UBE2H: variants seen among roughly 807,000 people sequenced by gnomAD.
The protein encoded by UBE2H is ubiquitin conjugating enzyme E2 H.
In UBE2H, 3 loss-of-function variants were observed where a neutral mutation model predicts 29.0. That is an observed-to-expected ratio of 0.10 (90% CI 0.05 to 0.27). UBE2H has a LOEUF of 0.27. Ranked by LOEUF, UBE2H falls within the 10% of genes least tolerant of loss-of-function variation. The pLI is 1.00. For missense variants in UBE2H, 68 were observed against 228.2 expected (o/e 0.30, Z 4.52); for synonymous variants, 69 against 82.9 (o/e 0.83, Z 0.91).
At chr7:129,927,828 C>T (rs74406975) in intron 1 of UBE2H, among the ~76,000 whole-genome samples, 9,625 of 151,982 alleles carry the variant, frequency 0.063, 367 homozygotes, top group Non-Finnish European at 0.091. Context: ...AGCCAGAGAT[C>T]GGTTAACAAA....
At chr7:129,887,936 G>A (rs113010792) in intron 1 of UBE2H, among the ~76,000 whole-genome samples, 1 of 152,072 alleles carries the variant, frequency 6.6e-6, no homozygotes, top group Non-Finnish European at 1.5e-5. Context: ...ACTTTACATT[G>A]AAAGAGAAGC....
intron 1 of UBE2H, among the ~76,000 whole-genome samples, chr7:129,885,048 G>C (rs1011530072): frequency 6.0e-5 from 9 of 150,022 alleles, no homozygotes; most frequent in African/African-American, 2.2e-4. Flanking sequence ...GCCTGAGAGA[G>C]AGAGAACTTC....
At chr7:129,898,650 T>G (rs1806646578) in intron 1 of UBE2H, among the ~76,000 whole-genome samples, 1 of 152,196 alleles carries the variant, frequency 6.6e-6, no homozygotes, top group Non-Finnish European at 1.5e-5. Flanking sequence ...CTCTCGTGTT[T>G]GCACCACGGA....
chr7:129,833,160 CTT>C lies in UBE2H; in HGVS notation c.*1775_*1776del, dbSNP rs1245719152. On this transcript the variant is annotated 3_prime_UTR_variant, in exon 7 of 7. Transcript: ENST00000355621. ...GTAATTAACATAAAGTAAGTAAATT[CTT>C]TGTCTTTTTATTTAGGAAAATAATC... is the stretch of plus-strand genomic sequence containing the variant. 6.6e-6 allele frequency: 1 copy of C among 151,272 alleles called. No homozygotes were observed. Among genetic ancestry groups the C allele is most frequent in the African/African-American group, 2.4e-5 (1 of 40,962 alleles). 9.4% of individuals were successfully genotyped at this position (151,272 alleles called of 1,614,324 possible). A position where few individuals can be genotyped will look rare whatever the true frequency, so the allele number is the denominator to read the frequency against.
At chr7:129,855,465 C>G (rs1005073223) in intron 5 of UBE2H, among the ~76,000 whole-genome samples, 5 of 152,296 alleles carry the variant, frequency 3.3e-5, no homozygotes, top group Middle Eastern at 3.4e-3. Flanking sequence ...TAATCAAGCT[C>G]GGAGTGTATG....
intron 3 of UBE2H, among the ~76,000 whole-genome samples, chr7:129,873,105 G>T (rs1021182764): frequency 1.4e-5 from 2 of 147,922 alleles, no homozygotes; most frequent in Non-Finnish European, 3.0e-5. Flanking sequence ...TGCAAGCTCC[G>T]CCTCCCGGGT....
intron 3 of UBE2H, among the ~76,000 whole-genome samples, chr7:129,867,878 C>T (rs964699864): frequency 4.0e-5 from 6 of 151,672 alleles, no homozygotes; most frequent in Non-Finnish European, 5.9e-5. Flanking sequence ...GCAACTAGTG[C>T]GTAGTCATAC....
At chr7:129,902,280 C>T (rs558090634) in intron 1 of UBE2H, among the ~76,000 whole-genome samples, 1 of 152,296 alleles carries the variant, frequency 6.6e-6, no homozygotes, top group South Asian at 2.1e-4. Context: ...GGATGGATCA[C>T]CTGAGGTCAG....
At chr7:129,913,678 T>A (rs1806986712) in intron 1 of UBE2H, among the ~76,000 whole-genome samples, 1 of 152,102 alleles carries the variant, frequency 6.6e-6, no homozygotes, top group Non-Finnish European at 1.5e-5. Context: ...GTGGCATGCA[T>A]CTGTAGTCCC....
intron 5 of UBE2H, among the ~76,000 whole-genome samples, chr7:129,854,060 G>GGTTTTTTTTTTTTTTTTTAT (rs1554430936): frequency 1.6e-4 from 16 of 100,280 alleles, no homozygotes; most frequent in Non-Finnish European, 2.2e-4. Context: ...TTTAGTGTTA[G>GGTTTTTTTTTTTTTTTTTAT]TTTTTTTTTT....
chr7:129,843,175 A>AT (rs528497435), intron 5 of UBE2H, among the ~76,000 whole-genome samples: 121 of 151,578 alleles, frequency 8.0e-4, no homozygotes, highest in Admixed American at 1.2e-3. Flanking sequence ...ATTTTTTTGT[A>AT]TTTTTAGCAG....
At chr7:129,928,777 A>C (rs926053901) in intron 1 of UBE2H, among the ~76,000 whole-genome samples, 2 of 152,162 alleles carry the variant, frequency 1.3e-5, no homozygotes, top group African/African-American at 2.4e-5. Context: ...AAATATGTCA[A>C]TTAAAACTAA....
chr7:129,867,797 T>G (rs182255947), intron 3 of UBE2H, among the ~76,000 whole-genome samples: 1 of 114,308 alleles, frequency 8.7e-6, no homozygotes, highest in East Asian at 3.0e-4. Flanking sequence ...AAAAAAAACA[T>G]CCTGACTGCA....
At chr7:129,930,138 C>T (rs1317866441) in intron 1 of UBE2H, among the ~76,000 whole-genome samples, 1 of 152,198 alleles carries the variant, frequency 6.6e-6, no homozygotes, top group Admixed American at 6.5e-5. Context: ...AGCTCTCAAA[C>T]ACTCTGGTCT....
chr7:129,948,962 A>G lies in UBE2H; in HGVS notation c.53+3541T>C, dbSNP rs762833649. 4.8e-5 allele frequency: 22 copies of G among 456,742 alleles called. No homozygotes were observed. The East Asian group carries it at 1.3e-3, about 26-fold the overall frequency. 28.3% of individuals were successfully genotyped at this position (456,742 alleles called of 1,614,324 possible). A position where few individuals can be genotyped will look rare whatever the true frequency, so the allele number is the denominator to read the frequency against. ...AACACACTCTCTTGTCACATACTCC[A>G]TCAGCTGTTTGGTAGCTCCTCCCCT... On this transcript the variant is annotated intron_variant, in intron 1 of 6. Coordinates refer to ENST00000355621, the MANE Select transcript of UBE2H (RefSeq NM_003344.4).
intron 1 of UBE2H, among the ~76,000 whole-genome samples, chr7:129,930,308 T>C (rs35482241): frequency 0.11 from 16,696 of 151,972 alleles, 1,265 homozygotes; most frequent in African/African-American, 0.22. Context: ...ATTACAGGCA[T>C]GCGCCACCAT....
intron 1 of UBE2H, among the ~76,000 whole-genome samples, chr7:129,917,014 G>A (rs1413863071): frequency 1.3e-5 from 2 of 148,736 alleles, no homozygotes; most frequent in Non-Finnish European, 3.0e-5. Flanking sequence ...TTCAGCCTGG[G>A]CGACACAGCA....
At chr7:129,915,667 G>C (rs1379764684) in intron 1 of UBE2H, among the ~76,000 whole-genome samples, 1 of 152,110 alleles carries the variant, frequency 6.6e-6, no homozygotes, top group Non-Finnish European at 1.5e-5. Flanking sequence ...AAACAGAAAG[G>C]CATCTGTTTA....
chr7:129,854,928 AC>A (rs1805678005), intron 5 of UBE2H, among the ~76,000 whole-genome samples: 1 of 152,210 alleles, frequency 6.6e-6, no homozygotes, highest in African/African-American at 2.4e-5. Context: ...GAAAAAAAAA[AC>A]AGTCACAAAA....
Sources: allele counts gnomAD v4.1 joint callset (sites outside exome capture counted in the v4.1 genomes callset), GRCh38; gene constraint gnomAD v4.1.1; transcripts MANE v1.5; gene names NCBI Gene and HGNC (gene_info 2026-07-23, HGNC 2026-07-21).